The following ASZ1 variants were observed in gnomAD, a reference collection of about 807,000 sequenced individuals.
The protein encoded by ASZ1 is ankyrin repeat, SAM and basic leucine zipper domain-containing protein 1.
A neutral mutation model predicts 61.8 loss-of-function variants in ASZ1; 67 were observed. The observed-to-expected ratio is 1.08, with a 90% CI of 0.89 to 1.33. ASZ1 has a LOEUF of 1.33. Ranked by LOEUF, ASZ1 falls within the 40% of genes most tolerant of loss-of-function variation. The pLI is 0.00. For missense variants in ASZ1, 577 were observed against 554.5 expected (o/e 1.04, Z -0.41); for synonymous variants, 193 against 192.7 (o/e 1.00, Z -0.01).
At chr7:117,411,460 T>TCAAA (rs1486177411) in intron 4 of ASZ1, among the ~76,000 whole-genome samples, 13 of 151,802 alleles carry the variant, frequency 8.6e-5, no homozygotes, top group African/African-American at 2.9e-4. Context: ...ATGATATTGT[T>TCAAA]CAAACCACAA....
At chr7:117,388,542 G>GA (rs1019652773) in intron 4 of ASZ1, among the ~76,000 whole-genome samples, 9 of 150,958 alleles carry the variant, frequency 6.0e-5, no homozygotes, top group East Asian at 1.9e-4. Context: ...AACTAAAAAT[G>GA]AAAAAAAACC....
At chr7:117,411,272 C>G (rs952509412) in intron 4 of ASZ1, among the ~76,000 whole-genome samples, 2 of 151,752 alleles carry the variant, frequency 1.3e-5, no homozygotes, top group African/African-American at 4.8e-5. Context: ...TGTTTGCATA[C>G]AGGTAAAACT....
chr7:117,423,383 T>C (rs780576947), intron 2 of ASZ1, among the ~76,000 whole-genome samples: 3 of 152,150 alleles, frequency 2.0e-5, no homozygotes, highest in Non-Finnish European at 2.9e-5. Flanking sequence ...CATCTTAGTA[T>C]AGACATCTAC....
At position 117,426,859 on chromosome 7, in the gene ASZ1, A is replaced by C; in HGVS notation, c.182T>G (p.Leu61Trp). Residue 61 changes from leucine (L) to tryptophan (W), a missense_variant, in exon 2 of 13, where the codon TTG (leucine) becomes TGG (tryptophan). Physicochemically the swap from Leu to Trp is moderately conservative, Grantham distance 61 (BLOSUM62 -2). Coordinates refer to ENST00000284629, the MANE Select transcript of ASZ1 (RefSeq NM_130768.3). ...KKAMTIGDVS[L>W]VQELLDSGIS... is the part of the protein sequence containing the mutation. ...ACCAGAATCTAGGAGCTCCTGGACC[A>C]ATGAAACATCTCCGATGGTCATTGC... 6.2e-7 allele frequency: 1 copy of C among 1,613,292 alleles called. No individual in the cohort carries two copies. The highest frequency in any genetic ancestry group is 8.5e-7 in the Non-Finnish European group (1 of 1,179,794).
chr7:117,366,008 A>C (rs1457418979), intron 12 of ASZ1, among the ~76,000 whole-genome samples: 1 of 152,276 alleles, frequency 6.6e-6, no homozygotes, highest in African/African-American at 2.4e-5. Context: ...GCACACCAGT[A>C]ATCTCAGCAC....
At chr7:117,384,688 T>G (rs1339594008) in intron 6 of ASZ1, 38 bp downstream of exon 6, 3 of 1,566,070 alleles carry the variant, frequency 1.9e-6, no homozygotes, top group Admixed American at 1.8e-5. Context: ...TAATGTGATA[T>G]GCCACAGAAA....
In ASZ1 at chr7:117,427,433, G is replaced by T. The variant is rs753667979; in HGVS notation, c.28C>A (p.Pro10Thr). MAASALRGLPVAGGGESSES... is the reference protein window; with the variant it reads MAASALRGLTVAGGGESSES... ...CTACTCTCGCCTCCGCCAGCCACTG[G>T]CAGGCCTCGCAGCGCGCTCGCCGCC... The change falls in exon 1 of 13, where the codon CCA becomes ACA. Residue 10 changes from proline (P) to threonine (T), a missense_variant. Coordinates refer to ENST00000284629, the MANE Select transcript of ASZ1 (RefSeq NM_130768.3). The T allele has an allele frequency of 1.3e-5, 21 of 1,613,910 alleles. No individual in the cohort carries two copies. The highest frequency in any genetic ancestry group is 1.8e-5 in the Non-Finnish European group (21 of 1,179,986).
chr7:117,410,561 G>A (rs1796870423), intron 4 of ASZ1, among the ~76,000 whole-genome samples: 1 of 151,514 alleles, frequency 6.6e-6, no homozygotes, highest in Non-Finnish European at 1.5e-5. Context: ...AAGCATAGCA[G>A]AGTTTTTTTG....
chr7:117,384,195 A>G (rs1166398778), intron 6 of ASZ1, among the ~76,000 whole-genome samples: 4 of 152,108 alleles, frequency 2.6e-5, no homozygotes, highest in African/African-American at 9.6e-5. Flanking sequence ...AAAGTAATTT[A>G]ATGTATGGCA....
intron 4 of ASZ1, among the ~76,000 whole-genome samples, chr7:117,388,196 G>A (rs1268363020): frequency 6.6e-6 from 1 of 151,938 alleles, no homozygotes; most frequent in Non-Finnish European, 1.5e-5. Flanking sequence ...AAAACAGCAG[G>A]CCAGATGGCT....
chr7:117,402,537 T>C (rs1363215622), intron 4 of ASZ1, among the ~76,000 whole-genome samples: 4 of 152,126 alleles, frequency 2.6e-5, no homozygotes, highest in Non-Finnish European at 4.4e-5. Context: ...ATTCACAAGG[T>C]TGTCCCTGTA....
chr7:117,421,598 A>G (rs1247962603), intron 3 of ASZ1, among the ~76,000 whole-genome samples: 5 of 152,240 alleles, frequency 3.3e-5, no homozygotes, highest in Admixed American at 3.3e-4. Context: ...GCTAAGACAG[A>G]AATTTATGTA....
In ASZ1 at chr7:117,385,855, A is replaced by AAT. The variant is rs774813808; in HGVS notation, c.441-48_441-47dup. 14 of 1,428,560 alleles carry AAT rather than the reference A, an allele frequency of 9.8e-6. No individual in the cohort carries two copies. In the Admixed American group the frequency reaches 2.2e-4, roughly 23 times the overall value. The allele number at this position is 1,428,560 out of a possible 1,614,324, so 88.5% of individuals were successfully genotyped here. A position where few individuals can be genotyped will look rare whatever the true frequency, so the allele number is the denominator to read the frequency against. On this transcript the variant is annotated intron_variant, in intron 4 of 12. Transcript: ENST00000284629. ...AAACATTTGTGTTAATGCTGCCATT[A>AAT]ATCTCTCATTTTCATTAATTTAACC...
intron 10 of ASZ1, among the ~76,000 whole-genome samples, chr7:117,372,156 A>G (rs970397193): frequency 3.3e-5 from 5 of 152,148 alleles, no homozygotes; most frequent in Admixed American, 2.6e-4. Context: ...GCTTATTTAA[A>G]AAATTCAAAA....
intron 10 of ASZ1, among the ~76,000 whole-genome samples, chr7:117,375,981 G>A (rs559409217): frequency 6.6e-6 from 1 of 151,756 alleles, no homozygotes; most frequent in African/African-American, 2.4e-5. Context: ...AGAAATCAAT[G>A]ACACTAAAAG....
rs1797240163 is a variant in ASZ1 at position 117,427,251 on chromosome 7, G to A, written c.105+105C>T. On this transcript the variant is annotated intron_variant, in intron 1 of 12. Coordinates refer to ENST00000284629, the MANE Select transcript of ASZ1 (RefSeq NM_130768.3). ...TCCCGTATTTCCACTGGGTAAAAGG[G>A]AAATACACGTGAGGGAGTAGGAGGT... 3 of 1,276,888 alleles carry A rather than the reference G, an allele frequency of 2.3e-6. No homozygotes were observed. In the South Asian group the frequency reaches 3.8e-5, roughly 16 times the overall value. The allele number at this position is 1,276,888 out of a possible 1,614,324, so 79.1% of individuals were successfully genotyped here.
intron 10 of ASZ1, among the ~76,000 whole-genome samples, chr7:117,370,015 C>A (rs909803299): frequency 3.3e-5 from 5 of 152,056 alleles, no homozygotes; most frequent in African/African-American, 1.2e-4. Context: ...GGTGTTCAAG[C>A]AAACATAATT....
chr7:117,367,352 C>A lies in ASZ1; in HGVS notation c.1275G>T (p.Lys425Asn). ...CCTCCTTTTAATGTTAAATATATAC[C>A]TTTTGAATTAGGTCTTTTAGTTTGC... Reference protein sequence around the residue: ...KVCKLKDLIQKLQNERENDPT... With the variant: ...KVCKLKDLIQNLQNERENDPT... Residue 425 changes from lysine to asparagine, a missense_variant and splice_region_variant, in exon 12 of 13, where the codon AAG becomes AAT. Coordinates refer to ENST00000284629, the MANE Select transcript of ASZ1 (RefSeq NM_130768.3). 6.6e-7 allele frequency: 1 copy of A among 1,516,940 alleles called. No individual in the cohort carries two copies. Among genetic ancestry groups the A allele is most frequent in the African/African-American group, 1.4e-5 (1 of 70,546 alleles). 94.0% of individuals were successfully genotyped at this position (1,516,940 alleles called of 1,614,324 possible).
At chr7:117,374,259 A>G (rs989697493) in intron 10 of ASZ1, among the ~76,000 whole-genome samples, 1 of 152,150 alleles carries the variant, frequency 6.6e-6, no homozygotes, top group African/African-American at 2.4e-5. Context: ...AATGTTTCTC[A>G]TAATTACAAT....
Sources: allele counts gnomAD v4.1 joint callset (sites outside exome capture counted in the v4.1 genomes callset), GRCh38; gene constraint gnomAD v4.1.1; transcripts MANE v1.5; gene names NCBI Gene and HGNC (gene_info 2026-07-23, HGNC 2026-07-21).